Variants in HMCN1 observed in about 807,000 individuals in gnomAD.
HMCN1 encodes hemicentin 1.
In HMCN1, 321 loss-of-function variants were observed where a neutral mutation model predicts 625.9. The ratio of observed to expected loss-of-function variants is 0.51; its 90% confidence interval spans 0.47 to 0.56. HMCN1 has a LOEUF of 0.56. Among genes scored for constraint, HMCN1 ranks in the 20% least tolerant of loss-of-function variants. The pLI, the probability that HMCN1 is intolerant of heterozygous loss-of-function variation, is 0.00. For missense variants in HMCN1, 6,588 were observed against 6,887.3 expected (o/e 0.96, Z 1.54); for synonymous variants, 2,425 against 2,417.6 (o/e 1.00, Z -0.09).
intron 1 of HMCN1, among the ~76,000 whole-genome samples, chr1:185,764,088 G>A (rs549495619): frequency 1.3e-5 from 2 of 152,140 alleles, no homozygotes; most frequent in African/African-American, 4.8e-5. Context: ...GTACAATTAA[G>A]AATAGTTTAC....
At chr1:185,954,205 A>G (rs1649452567) in intron 11 of HMCN1, among the ~76,000 whole-genome samples, 1 of 152,180 alleles carries the variant, frequency 6.6e-6, no homozygotes, top group Non-Finnish European at 1.5e-5. Flanking sequence ...GCTTGGGCTC[A>G]GAGGCCTGAC....
At chr1:185,867,813 G>A (rs113474541) in intron 4 of HMCN1, among the ~76,000 whole-genome samples, 7,952 of 152,238 alleles carry the variant, frequency 0.052, 643 homozygotes, top group African/African-American at 0.18. Context: ...GCTCACGCCT[G>A]TAATCACAGC....
At chr1:185,999,576 T>A (rs2102060275) in intron 25 of HMCN1, among the ~76,000 whole-genome samples, 1 of 152,200 alleles carries the variant, frequency 6.6e-6, no homozygotes, top group African/African-American at 2.4e-5. Context: ...CAGGCCTTTT[T>A]AAAAAAGGGA....
Position 186,087,530 on chromosome 1 carries a change from C to T in HMCN1, c.9248C>T (p.Ser3083Leu), listed in dbSNP as rs373396250. The T allele has an allele frequency of 3.7e-6, 6 of 1,613,016 alleles. No individual in the cohort carries two copies. Among genetic ancestry groups the T allele is most frequent in the Middle Eastern group, 1.6e-4 (1 of 6,076 alleles). ...EGTSVSLECESNAVPPPVITW... is the reference protein window; with the variant it reads ...EGTSVSLECELNAVPPPVITW... Reference sequence around the variant, plus strand: ...ACTTCTGTGTCTTTGGAGTGTGAGTCGAACGCTGTGCCACCTCCAGTCATC... The same window carrying T: ...ACTTCTGTGTCTTTGGAGTGTGAGTTGAACGCTGTGCCACCTCCAGTCATC... Residue 3083 changes from serine (S) to leucine (L), a missense_variant, in exon 60 of 107, where the codon TCG (serine) becomes TTG (leucine). Coordinates refer to ENST00000271588, the MANE Select transcript of HMCN1 (RefSeq NM_031935.3).
intron 1 of HMCN1, among the ~76,000 whole-genome samples, chr1:185,750,223 A>G (rs1654706040): frequency 6.6e-6 from 1 of 152,174 alleles, no homozygotes; most frequent in Non-Finnish European, 1.5e-5. Flanking sequence ...AAGGCACTCA[A>G]TAAAGTGAGT....
At chr1:185,794,861 T>C (rs565842023) in intron 1 of HMCN1, among the ~76,000 whole-genome samples, 6 of 152,294 alleles carry the variant, frequency 3.9e-5, no homozygotes, top group Admixed American at 6.5e-5. Flanking sequence ...AATATGACTT[T>C]TGTAAAAAAA....
At position 185,876,651 on chromosome 1, in the gene HMCN1, T is replaced by C. The variant is rs1663954331; in HGVS notation, c.621+10788T>C. On this transcript the variant is annotated intron_variant, in intron 4 of 106. Transcript: ENST00000271588. ...TCATTTTGGTTTTCGTTCACATTTCTCTGATGATTAGTGATGATGAACATT... is the reference window on the plus strand; with the variant it reads ...TCATTTTGGTTTTCGTTCACATTTCCCTGATGATTAGTGATGATGAACATT... Among the ~76,000 whole-genome samples, 3 of 152,148 alleles carry C rather than the reference T, an allele frequency of 2.0e-5. No individual in the cohort carries two copies. In the South Asian group the frequency reaches 6.2e-4, roughly 32 times the overall value.
chr1:186,088,447 A>C (rs1460115001), intron 62 of HMCN1, among the ~76,000 whole-genome samples, 159 bp from the exon 63 acceptor site: 2 of 152,116 alleles, frequency 1.3e-5, no homozygotes, highest in Non-Finnish European at 2.9e-5. Context: ...TAAAATGATT[A>C]GTCATTTTAT....
chr1:186,042,479 G>A (rs1040561408), intron 40 of HMCN1, among the ~76,000 whole-genome samples: 20 of 152,206 alleles, frequency 1.3e-4, no homozygotes, highest in African/African-American at 2.9e-4. Context: ...ACTGGCTAGC[G>A]TCAAGGGTGA....
intron 1 of HMCN1, among the ~76,000 whole-genome samples, chr1:185,828,523 G>A (rs1165422796): frequency 1.3e-5 from 2 of 152,072 alleles, no homozygotes; most frequent in Non-Finnish European, 2.9e-5. Context: ...ATAGAAGACA[G>A]AAATATCTAC....
intron 91 of HMCN1, among the ~76,000 whole-genome samples, chr1:186,145,177 ATG>A (rs1482857709): frequency 1.3e-5 from 2 of 152,246 alleles, no homozygotes; most frequent in African/African-American, 4.8e-5. Context: ...GACTCAATAA[ATG>A]TATGTTAAAT....
intron 30 of HMCN1, among the ~76,000 whole-genome samples, chr1:186,013,663 C>T (rs369123166): frequency 4.0e-5 from 6 of 151,234 alleles, no homozygotes; most frequent in Admixed American, 6.6e-5. Flanking sequence ...GTAGTAAGGC[C>T]GAAAGTAAGG....
chr1:185,821,959 C>A (rs930785537), intron 1 of HMCN1, among the ~76,000 whole-genome samples: 1 of 150,598 alleles, frequency 6.6e-6, no homozygotes, highest in Non-Finnish European at 1.5e-5. Context: ...AGAAGCCAAT[C>A]TGAAAAGGCT....
intron 6 of HMCN1, 68 bp downstream of exon 6, chr1:185,911,848 C>A: frequency 8.4e-7 from 1 of 1,194,690 alleles, no homozygotes; most frequent in Non-Finnish European, 1.3e-6. Context: ...GAAGTATACA[C>A]AATGGTTTTT....
intron 97 of HMCN1, among the ~76,000 whole-genome samples, chr1:186,163,800 C>T (rs892419652): frequency 2.6e-5 from 4 of 152,116 alleles, no homozygotes; most frequent in African/African-American, 7.2e-5. Flanking sequence ...ATTGTAAAAC[C>T]TGCCATGAGT....
At chr1:186,155,616 A>AAAG (rs1303252991) in intron 97 of HMCN1, among the ~76,000 whole-genome samples, 1 of 152,218 alleles carries the variant, frequency 6.6e-6, no homozygotes, top group Non-Finnish European at 1.5e-5. Context: ...AAAACTGCTT[A>AAAG]AAGATCTTTG....
intron 1 of HMCN1, among the ~76,000 whole-genome samples, chr1:185,825,115 C>T (rs16824537): frequency 0.037 from 5,638 of 152,118 alleles, 314 homozygotes; most frequent in African/African-American, 0.13. Context: ...ACTTATTGAA[C>T]ATCTATGTGT....
chr1:186,023,362 A>G (rs1214675873), intron 36 of HMCN1, among the ~76,000 whole-genome samples: 1 of 151,554 alleles, frequency 6.6e-6, no homozygotes, highest in African/African-American at 2.4e-5. Flanking sequence ...GTTGTCAAAC[A>G]GGATATACTG....
intron 6 of HMCN1, 39 bp downstream of exon 6, chr1:185,911,819 T>C (rs1457815640): frequency 6.9e-7 from 1 of 1,449,894 alleles, no homozygotes; most frequent in East Asian, 2.3e-5. Flanking sequence ...TGTTTTATTT[T>C]GAAGTTGGCA....
Sources: allele counts gnomAD v4.1 joint callset (sites outside exome capture counted in the v4.1 genomes callset), GRCh38; gene constraint gnomAD v4.1.1; transcripts MANE v1.5; gene names NCBI Gene and HGNC (gene_info 2026-07-23, HGNC 2026-07-21).